Variants in LRRK2 observed in about 807,000 individuals in gnomAD.
LRRK2 encodes leucine-rich repeat serine/threonine-protein kinase 2.
LRRK2 carries 203 observed loss-of-function variants against 302.6 expected under a neutral mutation model. The observed-to-expected ratio is 0.67, with a 90% CI of 0.60 to 0.75. LRRK2 has a LOEUF of 0.75. LRRK2 is among the 30% of genes least tolerant of loss of function. LRRK2 has a pLI of 0.00. For missense variants in LRRK2, 2,830 were observed against 2,951.0 expected (o/e 0.96, Z 0.95); for synonymous variants, 1,066 against 1,031.9 (o/e 1.03, Z -0.63).
chr12:40,330,102 C>T (rs1945672201), intron 39 of LRRK2, among the ~76,000 whole-genome samples: 1 of 152,126 alleles, frequency 6.6e-6, no homozygotes, highest in African/African-American at 2.4e-5. Context: ...TTTCCTCGCC[C>T]TCTTTGATTA....
In LRRK2 at chr12:40,310,416, T is replaced by A. The variant is rs200567064; in HGVS notation, c.4318-15T>A. On this transcript the variant is annotated splice_polypyrimidine_tract_variant and intron_variant, in intron 30 of 50. Coordinates refer to ENST00000298910, the MANE Select transcript of LRRK2 (RefSeq NM_198578.4). ...TGAAAGCAAACACAAGAGGGTTTTG[T>A]GTCTTTCCCTCCAGGCTCGCGCTTC... 2 of 1,612,740 alleles carry A rather than the reference T, an allele frequency of 1.2e-6. No homozygotes were observed. Among genetic ancestry groups the A allele is most frequent in the Non-Finnish European group, 1.7e-6 (2 of 1,179,466 alleles).
At chr12:40,251,157 T>C (rs1038165736) in intron 8 of LRRK2, 75 bp from the exon 9 acceptor site, 8 of 994,488 alleles carry the variant, frequency 8.0e-6, no homozygotes, top group Admixed American at 7.5e-5. Flanking sequence ...TTTCAAAATA[T>C]GGACTTAGAG....
At chr12:40,239,038 T>C (rs1173555702) in intron 5 of LRRK2, among the ~76,000 whole-genome samples, 1 of 152,150 alleles carries the variant, frequency 6.6e-6, no homozygotes, top group Non-Finnish European at 1.5e-5. Flanking sequence ...TTGCTTCCTA[T>C]CTGACAAAGA....
chr12:40,278,372 T>G, intron 18 of LRRK2, 111 bp downstream of exon 18: 1 of 1,344,990 alleles, frequency 7.4e-7, no homozygotes, highest in South Asian at 1.2e-5. Context: ...CTACAGAAAT[T>G]TACCAGTTTA....
intron 26 of LRRK2, among the ~76,000 whole-genome samples, chr12:40,303,221 C>T (rs542139783): frequency 1.6e-4 from 24 of 152,062 alleles, no homozygotes; most frequent in Admixed American, 2.6e-4. Flanking sequence ...ATACCCTTAA[C>T]TTTCACATTA....
Position 40,274,877 on chromosome 12 carries a change from C to T in LRRK2, c.1825C>T (p.Leu609Phe), listed in dbSNP as rs142717718. 17 of 1,611,546 alleles carry T rather than the reference C, an allele frequency of 1.1e-5. No individual in the cohort carries two copies. The highest frequency in any genetic ancestry group is 1.4e-5 in the Non-Finnish European group (17 of 1,177,994). Residue 609 changes from leucine to phenylalanine, a missense_variant, in exon 16 of 51, where the codon CTT becomes TTT. Transcript: ENST00000298910. Reference sequence around the variant, plus strand: ...AGAAATTCAGTGTCTGGGTTTAAGTCTTATAGGATACTTGATTACAAAGAA... The same window carrying T: ...AGAAATTCAGTGTCTGGGTTTAAGTTTTATAGGATACTTGATTACAAAGAA... Reference protein sequence around the residue: ...DQEIQCLGLSLIGYLITKKNV... With the variant: ...DQEIQCLGLSFIGYLITKKNV...
rs777251559 is a variant in LRRK2, at chr12:40,295,457, A to G, written c.2909A>G (p.His970Arg). The change falls in exon 23 of 51, where the codon CAT becomes CGT. Residue 970 changes from histidine (H) to arginine (R), a missense_variant. By Grantham distance (29) the His-to-Arg change is conservative. Coordinates refer to ENST00000298910, the MANE Select transcript of LRRK2 (RefSeq NM_198578.4). ...TCAAAACTTCAATCCCATATGAGGC[A>G]TTCAGACAGCATTTCTTCTCTGGCT... is the stretch of plus-strand genomic sequence containing the variant. ...RSSKLQSHMRHSDSISSLASE... is the reference protein window; with the variant it reads ...RSSKLQSHMRRSDSISSLASE... 5.6e-6 allele frequency: 9 copies of G among 1,613,390 alleles called. No individual in the cohort carries two copies. Among genetic ancestry groups the G allele is most frequent in the Non-Finnish European group, 7.6e-6 (9 of 1,179,956 alleles).
In LRRK2 at chr12:40,305,821, T is replaced by C; in HGVS notation, c.3814T>C (p.Ser1272Pro). ...GATTGGCTGTCTTGAAAATCTGACA[T>C]CTCTGGATGTCAGTTACAACTTGGA... is the stretch of plus-strand genomic sequence containing the variant. Reference protein sequence around the residue: ...PEIGCLENLTSLDVSYNLELR... With the variant: ...PEIGCLENLTPLDVSYNLELR... Residue 1272 changes from serine (S) to proline (P), a missense_variant, in exon 28 of 51, where the codon TCT becomes CCT. Physicochemically the swap from Ser to Pro is moderately conservative, Grantham distance 74. Transcript: ENST00000298910. The C allele has an allele frequency of 6.2e-7, 1 of 1,613,648 alleles. No homozygotes were observed. The highest frequency in any genetic ancestry group is 8.5e-7 in the Non-Finnish European group (1 of 1,179,778).
At chr12:40,239,806 A>T (rs576950774) in intron 5 of LRRK2, among the ~76,000 whole-genome samples, 3 of 152,094 alleles carry the variant, frequency 2.0e-5, no homozygotes, top group Admixed American at 6.6e-5. Context: ...AAAAAAAATG[A>T]ATGTTGATCA....
At chr12:40,233,898 T>C (rs991893807) in intron 3 of LRRK2, among the ~76,000 whole-genome samples, 2 of 152,232 alleles carry the variant, frequency 1.3e-5, no homozygotes, top group African/African-American at 2.4e-5. Flanking sequence ...TTGAAGCCTG[T>C]CCTCTGGGTC....
Position 40,305,889 on chromosome 12 carries a change from A to G in LRRK2, c.3882A>G (p.Ile1294Met), listed in dbSNP as rs1456225254. Residue 1294 changes from isoleucine (I) to methionine (M), a missense_variant, in exon 28 of 51, where the codon ATA (isoleucine) becomes ATG (methionine). Physicochemically the swap from Ile to Met is conservative, Grantham distance 10 (BLOSUM62 1). Transcript: ENST00000298910. ...ATGAAATGGGGAAATTAAGCAAAAT[A>G]TGGGATCTTCCTTTGGATGAACTGC... ...FPNEMGKLSK[I>M]WDLPLDELHL... 5 of 1,613,434 alleles carry G rather than the reference A, an allele frequency of 3.1e-6. No homozygotes were observed. Among genetic ancestry groups the G allele is most frequent in the South Asian group, 1.1e-5 (1 of 91,066 alleles).
chr12:40,232,375 T>G lies in LRRK2; in HGVS notation c.339T>G (p.Gly113=). 2 of 1,610,906 alleles carry G rather than the reference T, an allele frequency of 1.2e-6. No individual in the cohort carries two copies. The highest frequency in any genetic ancestry group is 1.7e-6 in the Non-Finnish European group (2 of 1,177,076). ...TTGGAAATGATTGGGAAGTCCTTGG[T>G]GTTCACCAGTAAGTATGATAGATAT... ...QDVGNDWEVL[G]VHQLILKMLT... is the part of the protein sequence containing the mutation. The change falls in exon 3 of 51, where the codon GGT becomes GGG. Residue 113 remains glycine, a synonymous_variant. Coordinates refer to ENST00000298910, the MANE Select transcript of LRRK2 (RefSeq NM_198578.4).
In LRRK2 at chr12:40,365,025, C is replaced by T; in HGVS notation, c.7365C>T (p.Val2455=). 6.2e-7 allele frequency: 1 copy of T among 1,612,334 alleles called. No individual in the cohort carries two copies. The highest frequency in any genetic ancestry group is 8.5e-7 in the Non-Finnish European group (1 of 1,178,884). Residue 2455 remains valine (V), a synonymous_variant, in exon 49 of 51, where the codon GTC becomes GTT. Coordinates refer to ENST00000298910, the MANE Select transcript of LRRK2 (RefSeq NM_198578.4). ...IRVIYNFCNS[V]RVMMTAQLGS... The stretch of plus-strand genomic sequence containing the variant: ...TAATTTACAACTTTTGTAATTCGGT[C>T]AGAGTCATGATGACAGCACAGCTAG...
intron 19 of LRRK2, among the ~76,000 whole-genome samples, chr12:40,284,355 T>A (rs1332960492): frequency 1.3e-5 from 2 of 151,340 alleles, no homozygotes; most frequent in African/African-American, 2.4e-5. Context: ...AGCAAAATAG[T>A]GGAAGCTTTT....
chr12:40,237,930 C>T (rs1941543685), intron 4 of LRRK2, 39 bp from the exon 5 acceptor site: 1 of 1,587,866 alleles, frequency 6.3e-7, no homozygotes, highest in Non-Finnish European at 8.6e-7. Flanking sequence ...AATGTTAAAG[C>T]AGCTCTTTAC....
chr12:40,336,938 G>A (rs1275855550), intron 40 of LRRK2, among the ~76,000 whole-genome samples: 1 of 152,086 alleles, frequency 6.6e-6, no homozygotes, highest in African/African-American at 2.4e-5. Context: ...AACACTGTTC[G>A]AAACACCTTA....
rs199733811 is a variant in LRRK2, at chr12:40,351,604, C to T, written c.6447C>T (p.Asn2149=). 5.6e-6 allele frequency: 9 copies of T among 1,613,900 alleles called. No individual in the cohort carries two copies. The highest frequency in any genetic ancestry group is 4.5e-5 in the East Asian group (2 of 44,880). ...CGAGACGCATTTTATTACCTAAAAA[C>T]GTAATTGTTGAATGCATGGTTGCTA... ...CLTRRILLPK[N]VIVECMVATH... The change falls in exon 44 of 51, where the codon AAC becomes AAT. Residue 2149 remains asparagine (N), a synonymous_variant. Transcript: ENST00000298910.
chr12:40,331,723 A>T (rs1945717673), intron 39 of LRRK2, among the ~76,000 whole-genome samples: 1 of 152,026 alleles, frequency 6.6e-6, no homozygotes, highest in Non-Finnish European at 1.5e-5. Flanking sequence ...GATACTTCAG[A>T]CTCTGTTCTA....
rs775657379 is a variant in LRRK2 at position 40,309,259 on chromosome 12, T to C, written c.4317+26T>C. On this transcript the variant is annotated intron_variant, in intron 30 of 50. Transcript: ENST00000298910. ...GTGATTTGTTCTGATCATTTGAAAA[T>C]AGAAAATAATTCATGTGTCTGTGTG... The C allele has an allele frequency of 4.4e-6, 7 of 1,603,152 alleles. No individual in the cohort carries two copies. In the South Asian group the frequency reaches 6.6e-5, roughly 15 times the overall value.
Sources: allele counts gnomAD v4.1 joint callset (sites outside exome capture counted in the v4.1 genomes callset), GRCh38; gene constraint gnomAD v4.1.1; transcripts MANE v1.5; gene names NCBI Gene and HGNC (gene_info 2026-07-23, HGNC 2026-07-21).